MAP3K7CL: variants seen among roughly 807,000 people sequenced by gnomAD.
The protein encoded by MAP3K7CL is MAP3K7 C-terminal like, also known as MAP3K7 C-terminal-like protein.
In MAP3K7CL, 16 loss-of-function variants were observed where a neutral mutation model predicts 18.6. That is an observed-to-expected ratio of 0.86 (90% CI 0.58 to 1.31). MAP3K7CL has a LOEUF of 1.31. Ranked by LOEUF, MAP3K7CL falls within the 50% of genes most tolerant of loss-of-function variation. The pLI is 0.00. For synonymous variants in MAP3K7CL, 65 were observed against 66.8 expected, an observed-to-expected ratio of 0.97 and a Z score of 0.13; for missense variants, 163 against 174.4, an observed-to-expected ratio of 0.93 and a Z score of 0.37.
At chr21:29,164,107 A>C (rs1246379702) in intron 4 of MAP3K7CL, among the ~76,000 whole-genome samples, 7 of 148,942 alleles carry the variant, frequency 4.7e-5, no homozygotes, top group Non-Finnish European at 1.0e-4. Flanking sequence ...TTAAAAAAAA[A>C]AAACAAACTG....
chr21:29,099,849 C>T (rs1260633317), intron 4 of MAP3K7CL, among the ~76,000 whole-genome samples: 2 of 151,988 alleles, frequency 1.3e-5, no homozygotes, highest in East Asian at 1.9e-4. Context: ...TTTGGGAGGC[C>T]GAGGCGGGCG....
At chr21:29,169,237 C>G (rs1349980596) in intron 4 of MAP3K7CL, among the ~76,000 whole-genome samples, 1 of 152,210 alleles carries the variant, frequency 6.6e-6, no homozygotes, top group Non-Finnish European at 1.5e-5. Context: ...GTCTGACTTC[C>G]TCCTGCACGG....
In MAP3K7CL at chr21:29,098,854, C is replaced by T. The variant is rs77945330; in HGVS notation, c.370+6273C>T. 7.3e-3 allele frequency among the ~76,000 whole-genome samples: 1,112 copies of T among 152,264 alleles called. 12 individuals are homozygous for T. Among genetic ancestry groups the T allele is most frequent in the African/African-American group, 0.025 (1,048 of 41,540 alleles). On this transcript the variant is annotated intron_variant, in intron 4 of 6. Transcript: ENST00000286791. ...AGAAATTCTTTGTATCTTTCTCTAC[C>T]TTATCTGCTCATTTATCTGGACTTT...
In MAP3K7CL at chr21:29,149,264, T is replaced by C. The variant is rs2087215766; in HGVS notation, c.132+14T>C. ...CAGCAGCTACAGGTAAGGATTTTTCTAAAGTCTCTCTTCTTTCCTCCTTAG... is the reference window on the plus strand; with the variant it reads ...CAGCAGCTACAGGTAAGGATTTTTCCAAAGTCTCTCTTCTTTCCTCCTTAG... On this transcript the variant is annotated intron_variant, in intron 3 of 4. Coordinates refer to ENST00000399928, the MANE Select transcript of MAP3K7CL (RefSeq NM_001286620.2). 3 of 1,611,912 alleles carry C rather than the reference T, an allele frequency of 1.9e-6. No individual in the cohort carries two copies. The highest frequency in any genetic ancestry group is 1.7e-6 in the Non-Finnish European group (2 of 1,177,918).
intron 4 of MAP3K7CL, among the ~76,000 whole-genome samples, chr21:29,092,822 G>A (rs2086053283): frequency 6.6e-6 from 1 of 152,176 alleles, no homozygotes; most frequent in East Asian, 1.9e-4. Flanking sequence ...CTATTCCTGA[G>A]TTTGTTCGAC....
chr21:29,098,904 G>C (rs986377742), intron 4 of MAP3K7CL, among the ~76,000 whole-genome samples: 1 of 152,128 alleles, frequency 6.6e-6, no homozygotes, highest in African/African-American at 2.4e-5. Flanking sequence ...GAGTATAGCA[G>C]TCCCCTCAGG....
intron 2 of MAP3K7CL, among the ~76,000 whole-genome samples, chr21:29,148,460 G>A (rs2087194609): frequency 6.6e-6 from 1 of 152,100 alleles, no homozygotes; most frequent in African/African-American, 2.4e-5. Context: ...CCATATTTTG[G>A]TCAGGTTTCC....
chr21:29,099,399 C>A (rs2086182184), intron 4 of MAP3K7CL, among the ~76,000 whole-genome samples: 1 of 151,708 alleles, frequency 6.6e-6, no homozygotes, highest in South Asian at 2.1e-4. Flanking sequence ...GCCACTGCGC[C>A]CAGCTAAAAT....
intron 1 of MAP3K7CL, among the ~76,000 whole-genome samples, chr21:29,087,104 C>T (rs1218217928): frequency 6.6e-6 from 1 of 152,160 alleles, no homozygotes; most frequent in Non-Finnish European, 1.5e-5. Context: ...ACATGCCACA[C>T]TCATTCTCTC....
intron 2 of MAP3K7CL, among the ~76,000 whole-genome samples, chr21:29,135,752 C>G (rs1257654200): frequency 6.6e-6 from 1 of 152,178 alleles, no homozygotes; most frequent in Non-Finnish European, 1.5e-5. Flanking sequence ...TCTTCTCTTT[C>G]AAATGACTCC....
At chr21:29,147,643 ATGTG>A (rs2087165743) in intron 2 of MAP3K7CL, among the ~76,000 whole-genome samples, 1 of 150,968 alleles carries the variant, frequency 6.6e-6, no homozygotes, top group South Asian at 2.1e-4. Flanking sequence ...CCTGTACTGT[ATGTG>A]TGTACTGTAT....
intron 2 of MAP3K7CL, among the ~76,000 whole-genome samples, chr21:29,146,471 C>T (rs547370376): frequency 5.3e-5 from 8 of 152,264 alleles, no homozygotes; most frequent in African/African-American, 1.9e-4. Flanking sequence ...TGCCTTTTGT[C>T]CAATTCTTTG....
At chr21:29,169,099 A>C (rs996743908) in intron 4 of MAP3K7CL, among the ~76,000 whole-genome samples, 1 of 152,186 alleles carries the variant, frequency 6.6e-6, no homozygotes, top group Non-Finnish European at 1.5e-5. Flanking sequence ...ATTGACATCT[A>C]GTGAGTGAGG....
intron 2 of MAP3K7CL, among the ~76,000 whole-genome samples, chr21:29,136,555 C>T (rs919764722): frequency 6.6e-6 from 1 of 151,500 alleles, no homozygotes; most frequent in Non-Finnish European, 1.5e-5. Flanking sequence ...GACAGAGTCT[C>T]TCTCTGTCAC....
intron 4 of MAP3K7CL, among the ~76,000 whole-genome samples, chr21:29,095,342 A>G (rs1040072360): frequency 6.6e-6 from 1 of 152,008 alleles, no homozygotes; most frequent in Admixed American, 6.5e-5. Flanking sequence ...TGTGGGCTAT[A>G]AAGAGGCAGG....
At chr21:29,116,059 C>T (rs958922263) in intron 4 of MAP3K7CL, among the ~76,000 whole-genome samples, 4 of 152,186 alleles carry the variant, frequency 2.6e-5, no homozygotes, top group African/African-American at 9.7e-5. Context: ...TGGTTTCTTC[C>T]GTGAAGCTCT....
chr21:29,095,838 A>T (rs965600956), intron 4 of MAP3K7CL, among the ~76,000 whole-genome samples: 5 of 152,242 alleles, frequency 3.3e-5, no homozygotes, highest in Admixed American at 3.3e-4. Flanking sequence ...TAGCAAGACT[A>T]AAGTGTCAAG....
intron 1 of MAP3K7CL, among the ~76,000 whole-genome samples, chr21:29,086,239 A>G (rs1221986333): frequency 1.3e-5 from 2 of 152,256 alleles, no homozygotes; most frequent in African/African-American, 4.8e-5. Flanking sequence ...AAACTAAATG[A>G]TCCGTGGAGT....
intron 4 of MAP3K7CL, among the ~76,000 whole-genome samples, chr21:29,105,259 C>G (rs141891992): frequency 1.3e-3 from 199 of 152,324 alleles, no homozygotes; most frequent in African/African-American, 4.4e-3. Context: ...TCTGATCTTT[C>G]TCAGTCCTCC....
Sources: allele counts gnomAD v4.1 joint callset (sites outside exome capture counted in the v4.1 genomes callset), GRCh38; gene constraint gnomAD v4.1.1; transcripts MANE v1.5; gene names NCBI Gene and HGNC (gene_info 2026-07-23, HGNC 2026-07-21).